MYO7A: variants seen among roughly 807,000 people sequenced by gnomAD.
MYO7A encodes myosin VIIA.
MYO7A carries 210 observed loss-of-function variants against 263.8 expected under a neutral mutation model. The observed-to-expected ratio is 0.80, with a 90% CI of 0.71 to 0.89. The LOEUF (loss-of-function observed/expected upper bound fraction) is 0.89, where lower values mean the gene tolerates loss of function less well. Ranked by LOEUF, MYO7A falls within the 40% of genes least tolerant of loss-of-function variation. The pLI is 0.00. For missense variants in MYO7A, 2,820 were observed against 2,968.3 expected, an observed-to-expected ratio of 0.95 and a Z score of 1.16; for synonymous variants, 1,239 against 1,197.3, an observed-to-expected ratio of 1.03 and a Z score of -0.72.
intron 43 of MYO7A, 71 bp downstream of exon 43, chr11:77,208,588 A>C: frequency 1.3e-6 from 2 of 1,526,246 alleles, no homozygotes; most frequent in South Asian, 2.3e-5. Context: ...CTGTGCCGTG[A>C]GGCCCACCTA....
At chr11:77,144,950 C>CCCCCAGTT (rs1951461282) in intron 3 of MYO7A, among the ~76,000 whole-genome samples, 1 of 152,194 alleles carries the variant, frequency 6.6e-6, no homozygotes, top group African/African-American at 2.4e-5. Flanking sequence ...ATGTTCCCTT[C>CCCCCAGTT]CCCCAGTTGC....
At chr11:77,145,218 G>A in intron 3 of MYO7A, among the ~76,000 whole-genome samples, 1 of 152,158 alleles carries the variant, frequency 6.6e-6, no homozygotes, top group East Asian at 1.9e-4. Context: ...GAGTGACAAT[G>A]CCCAGCTCTG....
rs1175047845 is a variant in MYO7A, at chr11:77,202,439, G to A, written c.5168+15G>A. 1 of 1,548,582 alleles carries A rather than the reference G, an allele frequency of 6.5e-7. No homozygotes were observed. Among genetic ancestry groups the A allele is most frequent in the Non-Finnish European group, 8.7e-7 (1 of 1,145,348 alleles). ...GACTACTTCAGGTGATGCCTCCTGG[G>A]GAAGGATGGGAGCCACAGGGCTAGG... On this transcript the variant is annotated intron_variant, in intron 37 of 48. Coordinates refer to ENST00000409709, the MANE Select transcript of MYO7A (RefSeq NM_000260.4).
rs1336009674 is a variant in MYO7A at position 77,192,996 on chromosome 11, TGATGCTGTTGGTGATGGTGGAGGTAGC to T, written c.4152+723_4152+749del. On this transcript the variant is annotated intron_variant, in intron 31 of 48. Transcript: ENST00000409709. ...GAGGTAGTTGTGATGGTGGAGGTAG[TGATGCTGTTGGTGATGGTGGAGGTAGC>T]GATGGTGTTGTTGGTGATGGTGGAG... 1.1e-3 allele frequency among the ~76,000 whole-genome samples: 139 copies of T among 131,474 alleles called. 1 individual carries two copies. Among genetic ancestry groups the T allele is most frequent in the Non-Finnish European group, 1.2e-3 (75 of 63,542 alleles). The allele number at this position is 131,474 out of a possible 152,430, so 86.3% of individuals were successfully genotyped here.
In MYO7A at chr11:77,172,326, G is replaced by A. The variant is rs752387359; in HGVS notation, c.1798-422G>A. ...TGGGCCAGGGCTTGAATCTAGGTTC[G>A]TCTAACCCCTGTCTCTAGAGATGAC... On this transcript the variant is annotated intron_variant, in intron 15 of 48. Coordinates refer to ENST00000409709, the MANE Select transcript of MYO7A (RefSeq NM_000260.4). Among the ~76,000 whole-genome samples, 54 of 152,186 alleles carry A rather than the reference G, an allele frequency of 3.5e-4. 1 individual carries two copies. Among genetic ancestry groups the A allele is most frequent in the Non-Finnish European group, 2.4e-4 (16 of 68,012 alleles).
At chr11:77,211,052 T>A (rs931337257) in intron 44 of MYO7A, 100 bp from the exon 45 acceptor site, 35 of 1,133,268 alleles carry the variant, frequency 3.1e-5, no homozygotes, top group Non-Finnish European at 4.1e-5. Flanking sequence ...ATGTGCGGGG[T>A]AAGGTGGTAG....
chr11:77,145,542 C>T (rs1951501348), intron 3 of MYO7A, among the ~76,000 whole-genome samples: 1 of 152,218 alleles, frequency 6.6e-6, no homozygotes, highest in Admixed American at 6.5e-5. Context: ...CTCTCCCCTC[C>T]TGTCCACACT....
Position 77,181,779 on chromosome 11 carries a change from GTTTT to G in MYO7A, c.2905-152_2905-149del, listed in dbSNP as rs782689084. Among the ~76,000 whole-genome samples, 4 of 90,052 alleles carry G rather than the reference GTTTT, an allele frequency of 4.4e-5. No individual in the cohort carries two copies. The East Asian group carries it at 1.4e-3, about 32-fold the overall frequency. 59.1% of individuals were successfully genotyped at this position (90,052 alleles called of 152,430 possible). A position where few individuals can be genotyped will look rare whatever the true frequency, so the allele number is the denominator to read the frequency against. On this transcript the variant is annotated intron_variant, in intron 23 of 48. Coordinates refer to ENST00000409709, the MANE Select transcript of MYO7A (RefSeq NM_000260.4). ...ACGCCCTTCTCAAGTTTTTTTTTTT[GTTTT>G]TTTTTTTTTTTTTTTTTTTGAGATG... is the stretch of plus-strand genomic sequence containing the variant.
rs1405731891 is a variant in MYO7A, at chr11:77,182,588, G to T, written c.3273G>T (p.Gln1091His). The T allele has an allele frequency of 5.6e-6, 9 of 1,612,810 alleles. No homozygotes were observed. The highest frequency in any genetic ancestry group is 6.8e-6 in the Non-Finnish European group (8 of 1,179,844). Reference sequence around the variant, plus strand: ...ACAAGAGGGAGCTGCAGGCCCTGCAGGGCGAGGGCGAGGTGAGGCCAAGGT... The same window carrying T: ...ACAAGAGGGAGCTGCAGGCCCTGCATGGCGAGGGCGAGGTGAGGCCAAGGT... ...KTYKRELQAL[Q>H]GEGEAQLPEG... The change falls in exon 25 of 49, where the codon CAG becomes CAT. Residue 1091 changes from glutamine to histidine, a missense_variant. Coordinates refer to ENST00000409709, the MANE Select transcript of MYO7A (RefSeq NM_000260.4).
At chr11:77,167,466 C>T (rs989978272) in intron 15 of MYO7A, among the ~76,000 whole-genome samples, 1 of 151,988 alleles carries the variant, frequency 6.6e-6, no homozygotes, top group Non-Finnish European at 1.5e-5. Flanking sequence ...ATGACTCATT[C>T]CAGGTAACAG....
chr11:77,159,419 C>CCTA, intron 9 of MYO7A, 28 bp from the exon 10 acceptor site: 1 of 1,545,420 alleles, frequency 6.5e-7, no homozygotes, highest in Non-Finnish European at 8.9e-7. Context: ...CCTCCCTCCC[C>CCTA]TGATGCTGTG....
chr11:77,147,791 C>CCCGCAGGAACACTGGATCTCT lies in MYO7A; in HGVS notation c.133_153dup. ...GGAGAGCACGCTGACGTTCTGGCTCCCCGCAGGAACACTGGATCTCTCCGC... is the reference window on the plus strand; with the variant it reads ...GGAGAGCACGCTGACGTTCTGGCTCCCCGCAGGAACACTGGATCTCTCCGCAGGAACACTGGATCTCTCCGC... On this transcript the variant is annotated splice_region_variant and splice_polypyrimidine_tract_variant and intron_variant, in intron 3 of 48. Coordinates refer to ENST00000409709, the MANE Select transcript of MYO7A (RefSeq NM_000260.4). 46 of 1,609,138 alleles carry CCCGCAGGAACACTGGATCTCT rather than the reference C, an allele frequency of 2.9e-5. No homozygotes were observed. The East Asian group carries it at 9.6e-4, about 34-fold the overall frequency.
chr11:77,162,760 TGAA>T, intron 13 of MYO7A, 90 bp from the exon 14 acceptor site: 1 of 1,512,316 alleles, frequency 6.6e-7, no homozygotes, highest in Non-Finnish European at 8.9e-7. Flanking sequence ...GGGAAGCTCC[TGAA>T]GAAGAGACAG....
intron 3 of MYO7A, among the ~76,000 whole-genome samples, chr11:77,145,237 T>C (rs1951482441): frequency 6.6e-6 from 1 of 152,132 alleles, no homozygotes; most frequent in African/African-American, 2.4e-5. Flanking sequence ...TGGATGAGCA[T>C]TTACCAAGCA....
chr11:77,212,330 C>T (rs1591511008), intron 46 of MYO7A: 2 of 377,374 alleles, frequency 5.3e-6, no homozygotes, highest in African/African-American at 4.2e-5. Context: ...GGCAGGGGTC[C>T]CACATAGACA....
In MYO7A at chr11:77,171,245, TTGTGTG is replaced by T. The variant is rs140232157; in HGVS notation, c.1798-1490_1798-1485del. On this transcript the variant is annotated intron_variant, in intron 15 of 48. Coordinates refer to ENST00000409709, the MANE Select transcript of MYO7A (RefSeq NM_000260.4). ...TGTGCATGCTGAGGTTGTGTGTGTGTTGTGTGTGTGTGTGTGTGCATGCGTATGCGT... is the reference window on the plus strand; with the variant it reads ...TGTGCATGCTGAGGTTGTGTGTGTGTTGTGTGTGTGTGCATGCGTATGCGT... Among the ~76,000 whole-genome samples, 11 of 150,560 alleles carry T rather than the reference TTGTGTG, an allele frequency of 7.3e-5. No individual in the cohort carries two copies. The East Asian group carries it at 1.4e-3, about 19-fold the overall frequency.
chr11:77,208,995 A>C, intron 44 of MYO7A, 192 bp downstream of exon 44: 1 of 594,450 alleles, frequency 1.7e-6, no homozygotes, highest in East Asian at 2.8e-5. Context: ...CTGATTCTTC[A>C]GCCCTTAGGG....
At chr11:77,212,190 G>A in intron 46 of MYO7A, 2 of 613,016 alleles carry the variant, frequency 3.3e-6, no homozygotes, top group South Asian at 3.0e-5. Context: ...AATGGAGGAT[G>A]GCCTGTGTTC....
chr11:77,181,855 G>A lies in MYO7A; in HGVS notation c.2905-96G>A, dbSNP rs1476986145. 4.8e-6 allele frequency: 5 copies of A among 1,039,108 alleles called. No individual in the cohort carries two copies. The African/African-American group carries it at 4.8e-5, about 10-fold the overall frequency. The allele number at this position is 1,039,108 out of a possible 1,614,324, so 64.4% of individuals were successfully genotyped here. A position where few individuals can be genotyped will look rare whatever the true frequency, so the allele number is the denominator to read the frequency against. Reference sequence around the variant, plus strand: ...GCTGGAGTGCAGTAGCGTGATCACAGCTCACTGCAGCCTTGAACTTCTGGG... The same window carrying A: ...GCTGGAGTGCAGTAGCGTGATCACAACTCACTGCAGCCTTGAACTTCTGGG... On this transcript the variant is annotated intron_variant, in intron 23 of 48. Transcript: ENST00000409709.
Sources: gnomAD v4.1 joint callset for allele counts (sites outside exome capture counted in the v4.1 genomes callset) on GRCh38, gnomAD v4.1.1 for gene constraint, MANE v1.5 for transcripts, NCBI Gene and HGNC (gene_info 2026-07-23, HGNC 2026-07-21) for gene names.